The following PDE11A variants were observed in gnomAD, a reference collection of about 807,000 sequenced individuals.
PDE11A encodes dual 3',5'-cyclic-AMP and -GMP phosphodiesterase 11A.
In PDE11A, 100 loss-of-function variants were observed where a neutral mutation model predicts 100.5. The observed-to-expected ratio is 1.00, with a 90% CI of 0.85 to 1.18. PDE11A has a LOEUF of 1.18. PDE11A is among the 50% of genes most tolerant of loss of function. The pLI is 0.00. For synonymous variants in PDE11A, 381 were observed against 420.8 expected (o/e 0.91, Z 1.16); for missense variants, 1,141 against 1,152.6 (o/e 0.99, Z 0.15).
intron 2 of PDE11A, among the ~76,000 whole-genome samples, chr2:178,084,362 T>C (rs1257338341): frequency 6.6e-6 from 1 of 152,236 alleles, no homozygotes; most frequent in Non-Finnish European, 1.5e-5. Flanking sequence ...GTCCTAGCTA[T>C]CAAATAATCT....
At chr2:177,708,118 A>G (rs907155545) in intron 13 of PDE11A, among the ~76,000 whole-genome samples, 2 of 152,188 alleles carry the variant, frequency 1.3e-5, no homozygotes, top group African/African-American at 4.8e-5. Flanking sequence ...AGCATACACA[A>G]CGTACACAAT....
intron 13 of PDE11A, among the ~76,000 whole-genome samples, chr2:177,709,299 G>A (rs373865944): frequency 6.6e-6 from 1 of 152,314 alleles, no homozygotes; most frequent in East Asian, 1.9e-4. Flanking sequence ...AAGCAGCCTC[G>A]GGAGGAGAGT....
At chr2:177,908,950 C>A (rs936805968) in intron 2 of PDE11A, among the ~76,000 whole-genome samples, 1 of 152,190 alleles carries the variant, frequency 6.6e-6, no homozygotes, top group African/African-American at 2.4e-5. Context: ...AGAAAGCATG[C>A]AAATCAGATC....
intron 2 of PDE11A, among the ~76,000 whole-genome samples, chr2:178,079,929 G>C (rs1374869990): frequency 1.3e-5 from 2 of 152,004 alleles, no homozygotes; most frequent in East Asian, 3.9e-4. Flanking sequence ...ATGTTTGTTG[G>C]GCACATGAAT....
At chr2:177,867,687 C>A (rs1425637109) in intron 5 of PDE11A, among the ~76,000 whole-genome samples, 1 of 152,166 alleles carries the variant, frequency 6.6e-6, no homozygotes, top group Non-Finnish European at 1.5e-5. Flanking sequence ...GATCACCCCA[C>A]TGCACTCCAG....
At chr2:177,835,922 C>T (rs533178570) in intron 6 of PDE11A, among the ~76,000 whole-genome samples, 5 of 152,336 alleles carry the variant, frequency 3.3e-5, no homozygotes, top group East Asian at 1.9e-4. Context: ...GGGCAGAGCT[C>T]GGGACCTGCA....
chr2:177,771,700 T>C (rs1233686985), intron 9 of PDE11A, among the ~76,000 whole-genome samples: 2 of 152,190 alleles, frequency 1.3e-5, no homozygotes, highest in African/African-American at 4.8e-5. Context: ...GTAAAATTCA[T>C]AGGTATATTT....
At chr2:177,672,454 G>A (rs1001476817) in intron 17 of PDE11A, among the ~76,000 whole-genome samples, 5 of 152,168 alleles carry the variant, frequency 3.3e-5, no homozygotes, top group Admixed American at 2.6e-4. Context: ...ACGGAAGTGA[G>A]GTGCTGCTGT....
intron 13 of PDE11A, among the ~76,000 whole-genome samples, chr2:177,709,376 G>C (rs901652759): frequency 6.6e-6 from 1 of 152,200 alleles, no homozygotes; most frequent in Non-Finnish European, 1.5e-5. Flanking sequence ...GCATGCAGAG[G>C]AGGCACTGGC....
At chr2:177,990,018 T>A (rs948468649) in intron 2 of PDE11A, among the ~76,000 whole-genome samples, 1 of 152,142 alleles carries the variant, frequency 6.6e-6, no homozygotes, top group African/African-American at 2.4e-5. Context: ...CTATGTGACA[T>A]TTGAATCCAA....
Position 178,016,790 on chromosome 2 carries a change from A to G in PDE11A, c.913-2330T>C, listed in dbSNP as rs184948248. Among the ~76,000 whole-genome samples the G allele has an allele frequency of 4.6e-3, 703 of 152,288 alleles. 11 individuals carry two copies. Among genetic ancestry groups the G allele is most frequent in the African/African-American group, 0.016 (658 of 41,558 alleles). On this transcript the variant is annotated intron_variant, in intron 1 of 19. Transcript: ENST00000286063. ...GTCCTGAAGCAGGAAAAAGCTTAATAAGTTCCAAAAAGTCAAAGGTCAATG... is the reference window on the plus strand; with the variant it reads ...GTCCTGAAGCAGGAAAAAGCTTAATGAGTTCCAAAAAGTCAAAGGTCAATG...
intron 5 of PDE11A, among the ~76,000 whole-genome samples, chr2:177,868,945 G>C (rs917818786): frequency 2.6e-5 from 4 of 152,204 alleles, no homozygotes; most frequent in African/African-American, 9.6e-5. Flanking sequence ...TGCACCAACA[G>C]CTAACATCAC....
intron 1 of PDE11A, among the ~76,000 whole-genome samples, chr2:178,059,454 T>A (rs999913952): frequency 6.6e-6 from 1 of 152,204 alleles, no homozygotes; most frequent in Non-Finnish European, 1.5e-5. Context: ...GGCTTGCCCA[T>A]CTACCATGGG....
At chr2:177,721,799 G>A (rs948574072) in intron 12 of PDE11A, among the ~76,000 whole-genome samples, 1 of 152,128 alleles carries the variant, frequency 6.6e-6, no homozygotes, top group African/African-American at 2.4e-5. Flanking sequence ...ATCTCTCAAA[G>A]TGCCACAGAG....
chr2:177,667,666 A>G (rs1029682411), intron 18 of PDE11A, among the ~76,000 whole-genome samples: 1 of 152,228 alleles, frequency 6.6e-6, no homozygotes, highest in African/African-American at 2.4e-5. Context: ...AATAAGTATT[A>G]GTAATCATTT....
At chr2:177,692,299 T>C (rs923263436) in intron 15 of PDE11A, among the ~76,000 whole-genome samples, 1 of 152,342 alleles carries the variant, frequency 6.6e-6, no homozygotes, top group African/African-American at 2.4e-5. Context: ...TTTGAAGTTA[T>C]AACATTTGTA....
intron 2 of PDE11A, among the ~76,000 whole-genome samples, chr2:177,947,777 T>A (rs898147904): frequency 4.8e-3 from 3 of 630 alleles, no homozygotes; most frequent in South Asian, 0.083. Flanking sequence ...AAAATAAATT[T>A]AAAAAAATAA....
chr2:177,903,691 A>G (rs763484974), intron 3 of PDE11A, among the ~76,000 whole-genome samples: 2 of 152,228 alleles, frequency 1.3e-5, no homozygotes, highest in African/African-American at 2.4e-5. Context: ...AGGCAAAACC[A>G]TAAGTGAAGA....
chr2:177,967,881 G>A lies in PDE11A; in HGVS notation c.1071+46421C>T, dbSNP rs543048546. Among the ~76,000 whole-genome samples the A allele has an allele frequency of 3.3e-5, 5 of 152,280 alleles. No homozygotes were observed. In the South Asian group the frequency reaches 8.3e-4, roughly 25 times the overall value. Reference sequence around the variant, plus strand: ...TTGCCATATTAGATGTAAATTCCATGAGGACAAATGTATTTTTGCTTGTTT... The same window carrying A: ...TTGCCATATTAGATGTAAATTCCATAAGGACAAATGTATTTTTGCTTGTTT... On this transcript the variant is annotated intron_variant, in intron 2 of 19. Coordinates refer to ENST00000286063, the MANE Select transcript of PDE11A (RefSeq NM_016953.4).
Sources: gnomAD v4.1 joint callset for allele counts (sites outside exome capture counted in the v4.1 genomes callset) on GRCh38, gnomAD v4.1.1 for gene constraint, MANE v1.5 for transcripts, NCBI Gene and HGNC (gene_info 2026-07-23, HGNC 2026-07-21) for gene names.